DPYSL3: variants seen among roughly 807,000 people sequenced by gnomAD.
The protein encoded by DPYSL3 is dihydropyrimidinase-related protein 3.
Under a neutral mutation model 66.1 loss-of-function variants are expected in DPYSL3, and 16 were observed. The observed-to-expected ratio is 0.24, with a 90% CI of 0.16 to 0.37. DPYSL3 has a LOEUF of 0.37. Among genes scored for constraint, DPYSL3 ranks in the 10% least tolerant of loss-of-function variants. The pLI is 1.00. For missense variants in DPYSL3, 738 were observed against 916.2 expected (o/e 0.81, Z 2.51); for synonymous variants, 338 against 345.1 (o/e 0.98, Z 0.23).
rs766025178 is a variant in DPYSL3 at position 147,399,070 on chromosome 5, A to T, written c.1623+12T>A. 3.1e-6 allele frequency: 5 copies of T among 1,613,594 alleles called. No homozygotes were observed. Among genetic ancestry groups the T allele is most frequent in the Non-Finnish European group, 4.2e-6 (5 of 1,179,832 alleles). On this transcript the variant is annotated intron_variant, in intron 11 of 13. Coordinates refer to ENST00000343218, the MANE Select transcript of DPYSL3 (RefSeq NM_001197294.2). ...CTCCATTCTACTCCACTCCCACCAGAGCGGGCCTTACAGACTGGTGGTTCT... is the reference window on the plus strand; with the variant it reads ...CTCCATTCTACTCCACTCCCACCAGTGCGGGCCTTACAGACTGGTGGTTCT...
At chr5:147,400,042 CTT>C (rs1300243042) in intron 10 of DPYSL3, among the ~76,000 whole-genome samples, 1 of 151,196 alleles carries the variant, frequency 6.6e-6, no homozygotes, top group Non-Finnish European at 1.5e-5. Context: ...GTATACATAA[CTT>C]TGATAAGAAT....
At chr5:147,455,784 G>A (rs1457014128) in intron 1 of DPYSL3, among the ~76,000 whole-genome samples, 7 of 151,824 alleles carry the variant, frequency 4.6e-5, no homozygotes, top group African/African-American at 1.7e-4. Context: ...CGCTGCTGCT[G>A]CCTTTTTTTT....
intron 10 of DPYSL3, 93 bp downstream of exon 10, chr5:147,400,599 G>A (rs549135062): frequency 2.5e-5 from 37 of 1,500,544 alleles, no homozygotes; most frequent in Middle Eastern, 2.0e-4. Context: ...ATCTGCACTC[G>A]CAGTGTCACC....
chr5:147,485,993 T>C (rs1006515525), intron 1 of DPYSL3, among the ~76,000 whole-genome samples: 1 of 152,132 alleles, frequency 6.6e-6, no homozygotes, highest in Non-Finnish European at 1.5e-5. Flanking sequence ...ATCTGATATA[T>C]ACATACAATG....
At chr5:147,441,793 C>G (rs1046123731) in intron 1 of DPYSL3, among the ~76,000 whole-genome samples, 2 of 152,152 alleles carry the variant, frequency 1.3e-5, no homozygotes, top group African/African-American at 4.8e-5. Flanking sequence ...CCTAGCCAAG[C>G]AAGGCTGTTT....
intron 10 of DPYSL3, among the ~76,000 whole-genome samples, chr5:147,399,560 G>A (rs1411012585): frequency 6.6e-6 from 1 of 152,254 alleles, no homozygotes; most frequent in Non-Finnish European, 1.5e-5. Flanking sequence ...GGATTATGGA[G>A]AGTTCACAGT....
intron 3 of DPYSL3, 131 bp from the exon 4 acceptor site, chr5:147,416,004 G>A: frequency 9.6e-7 from 1 of 1,036,710 alleles, no homozygotes; most frequent in Non-Finnish European, 1.4e-6. Flanking sequence ...AACTTTTGAA[G>A]GGGTTCCCTG....
Position 147,418,452 on chromosome 5 carries a change from A to G in DPYSL3, c.650T>C (p.Met217Thr). The change falls in exon 3 of 14, where the codon ATG becomes ACG. Residue 217 changes from methionine to threonine, a missense_variant. Transcript: ENST00000343218. ...TGTAAAATATGAAGACTTACTGATCATGGTGGTGCCACCTGCTAAGGCCGC... is the reference window on the plus strand; with the variant it reads ...TGTAAAATATGAAGACTTACTGATCGTGGTGGTGCCACCTGCTAAGGCCGC... The part of the protein sequence containing the change: ...TKAALAGGTT[M>T]IIDHVVPEPE... 1 of 1,605,660 alleles carries G rather than the reference A, an allele frequency of 6.2e-7. No homozygotes were observed. The highest frequency in any genetic ancestry group is 1.1e-5 in the South Asian group (1 of 89,466).
intron 1 of DPYSL3, among the ~76,000 whole-genome samples, chr5:147,474,236 T>C (rs935302174): frequency 2.0e-5 from 3 of 152,064 alleles, no homozygotes; most frequent in Admixed American, 2.0e-4. Flanking sequence ...GCTTCCTTTG[T>C]CCTCCCATAC....
intron 1 of DPYSL3, among the ~76,000 whole-genome samples, chr5:147,438,856 G>T (rs1752466901): frequency 6.6e-6 from 1 of 152,198 alleles, no homozygotes; most frequent in Non-Finnish European, 1.5e-5. Context: ...GACACAGCCA[G>T]TTTTCACCTA....
chr5:147,478,981 G>T lies in DPYSL3; in HGVS notation c.381+30497C>A, dbSNP rs1413777961. Among the ~76,000 whole-genome samples the T allele has an allele frequency of 2.6e-5, 4 of 152,180 alleles. No individual in the cohort carries two copies. In the East Asian group the frequency reaches 7.7e-4, roughly 29 times the overall value. On this transcript the variant is annotated intron_variant, in intron 1 of 13. Transcript: ENST00000343218. ...GCTCATTTTTCTTTATCAAGTATTTGCACAGTGTCTGGCATCTAATAGGTG... is the reference window on the plus strand; with the variant it reads ...GCTCATTTTTCTTTATCAAGTATTTTCACAGTGTCTGGCATCTAATAGGTG...
chr5:147,445,792 A>T (rs1034644093), intron 1 of DPYSL3, among the ~76,000 whole-genome samples: 13 of 152,182 alleles, frequency 8.5e-5, no homozygotes, highest in African/African-American at 2.9e-4. Flanking sequence ...TGCCCTTATC[A>T]ATAGTAGCCT....
intron 1 of DPYSL3, among the ~76,000 whole-genome samples, chr5:147,463,590 G>T (rs1752966449): frequency 6.6e-6 from 1 of 152,084 alleles, no homozygotes. Flanking sequence ...AAACCATGAG[G>T]TACATAAAGT....
intron 12 of DPYSL3, among the ~76,000 whole-genome samples, chr5:147,396,865 GTATA>G (rs10561140): frequency 0.41 from 58,540 of 144,470 alleles, 11,952 homozygotes; most frequent in East Asian, 0.55. Context: ...GTATATGTGT[GTATA>G]TATATATATA....
At chr5:147,436,807 A>G (rs898020617) in intron 1 of DPYSL3, among the ~76,000 whole-genome samples, 66 of 152,332 alleles carry the variant, frequency 4.3e-4, no homozygotes, top group African/African-American at 1.3e-3. Flanking sequence ...GACGTGCCAA[A>G]CCAGACTGAG....
In DPYSL3 at chr5:147,509,676, G is replaced by T. The variant is rs1335113022; in HGVS notation, c.183C>A (p.Gly61=). ...DFDALSVGQR[G]AKTPRSGQGS... ...CCTGGCCGCTCCGAGGAGTCTTCGC[G>T]CCCCGCTGCCCCACGCTGAGGGCAT... The change falls in exon 1 of 14, where the codon GGC becomes GGA. Residue 61 remains glycine (G), a synonymous_variant. Transcript: ENST00000343218. The surrounding 1 kb of genome is among the most constrained non-coding windows in gnomAD (Gnocchi z 5.3). 1 of 1,535,834 alleles carries T rather than the reference G, an allele frequency of 6.5e-7. No homozygotes were observed. The highest frequency in any genetic ancestry group is 8.7e-7 in the Non-Finnish European group (1 of 1,146,722).
chr5:147,454,379 C>G (rs1040206005), intron 1 of DPYSL3: 1 of 152,268 alleles, frequency 6.6e-6, no homozygotes, highest in Admixed American at 6.5e-5. Context: ...CCTGGCGGGC[C>G]TGCTGGGGTC....
intron 1 of DPYSL3, among the ~76,000 whole-genome samples, chr5:147,473,540 T>G (rs1753113168): frequency 6.6e-6 from 1 of 152,154 alleles, no homozygotes; most frequent in Non-Finnish European, 1.5e-5. Flanking sequence ...TGAGAAATGG[T>G]GAATGAAATG....
chr5:147,487,741 A>G (rs1253509036), intron 1 of DPYSL3, among the ~76,000 whole-genome samples: 1 of 152,214 alleles, frequency 6.6e-6, no homozygotes, highest in Non-Finnish European at 1.5e-5. Context: ...TATACAGAAA[A>G]AGTTTACAGA....
Sources: allele counts gnomAD v4.1 joint callset (sites outside exome capture counted in the v4.1 genomes callset), GRCh38; gene constraint gnomAD v4.1.1; non-coding constraint Gnocchi (gnomAD v3.1); transcripts MANE v1.5; gene names NCBI Gene and HGNC (gene_info 2026-07-23, HGNC 2026-07-21).